The following KCNIP4 variants were observed in gnomAD, a reference collection of about 807,000 sequenced individuals.
KCNIP4 encodes potassium voltage-gated channel interacting protein 4, also known as Kv channel-interacting protein 4.
A neutral mutation model predicts 34.0 loss-of-function variants in KCNIP4; 12 were observed. That is an observed-to-expected ratio of 0.35 (90% CI 0.23 to 0.57). The LOEUF is 0.57. Among genes scored for constraint, KCNIP4 ranks in the 20% least tolerant of loss-of-function variants. The pLI is 0.83. For synonymous variants in KCNIP4, 124 were observed against 102.2 expected, an observed-to-expected ratio of 1.21 and a Z score of -1.29; for missense variants, 238 against 311.7, an observed-to-expected ratio of 0.76 and a Z score of 1.78.
At chr4:21,340,090 C>T (rs1275055465) in intron 1 of KCNIP4, among the ~76,000 whole-genome samples, 1 of 152,084 alleles carries the variant, frequency 6.6e-6, no homozygotes, top group Non-Finnish European at 1.5e-5. Flanking sequence ...TCAGAAAGAG[C>T]CTACTTACTT....
chr4:21,001,313 G>A (rs934468774), intron 1 of KCNIP4, among the ~76,000 whole-genome samples: 4 of 152,170 alleles, frequency 2.6e-5, no homozygotes, highest in African/African-American at 9.7e-5. Context: ...AATTGCTTAT[G>A]AAGAAACTGA....
At chr4:20,758,564 T>C (rs1255427911) in intron 4 of KCNIP4, among the ~76,000 whole-genome samples, 2 of 151,888 alleles carry the variant, frequency 1.3e-5, no homozygotes, top group Admixed American at 6.6e-5. Flanking sequence ...TCAGAAAACA[T>C]TGTGCATTTG....
chr4:21,365,526 A>AAATAAATAAAT (rs1560332458), intron 1 of KCNIP4, among the ~76,000 whole-genome samples: 2 of 20,336 alleles, frequency 9.8e-5, no homozygotes, highest in East Asian at 2.0e-3. Context: ...AATAAATAAA[A>AAATAAATAAAT]AATAAAGAAA....
intron 1 of KCNIP4, among the ~76,000 whole-genome samples, chr4:21,941,349 T>G (rs1730194557): frequency 6.6e-6 from 1 of 152,200 alleles, no homozygotes; most frequent in Admixed American, 6.5e-5. Context: ...CAGTCCAATC[T>G]GATTTTGATT....
At chr4:21,861,662 A>AAG (rs1459421370) in intron 1 of KCNIP4, among the ~76,000 whole-genome samples, 11 of 151,560 alleles carry the variant, frequency 7.3e-5, no homozygotes, top group African/African-American at 1.9e-4. Flanking sequence ...GTCTCAAAAA[A>AAG]AAAAAAAAAA....
At chr4:21,392,622 T>C (rs1258291823) in intron 1 of KCNIP4, among the ~76,000 whole-genome samples, 1 of 152,214 alleles carries the variant, frequency 6.6e-6, no homozygotes, top group East Asian at 1.9e-4. Context: ...TTAAGAATGT[T>C]TGATAACTGT....
chr4:21,219,675 A>T (rs1757849186), intron 1 of KCNIP4, among the ~76,000 whole-genome samples: 1 of 152,168 alleles, frequency 6.6e-6, no homozygotes, highest in Non-Finnish European at 1.5e-5. Flanking sequence ...ATGGGAGGAG[A>T]GATAGAAAAG....
intron 1 of KCNIP4, among the ~76,000 whole-genome samples, chr4:21,811,177 T>C (rs1721629181): frequency 6.6e-6 from 1 of 152,150 alleles, no homozygotes; most frequent in Non-Finnish European, 1.5e-5. Flanking sequence ...CAGCAACACA[T>C]TTCAGATTTA....
intron 1 of KCNIP4, among the ~76,000 whole-genome samples, chr4:21,467,662 T>C (rs931488072): frequency 2.0e-5 from 3 of 152,200 alleles, no homozygotes; most frequent in Non-Finnish European, 2.9e-5. Flanking sequence ...ATTCTTGTTA[T>C]TGGGATTTTA....
intron 1 of KCNIP4, among the ~76,000 whole-genome samples, chr4:21,875,803 T>A (rs1726078557): frequency 6.6e-6 from 1 of 152,196 alleles, no homozygotes; most frequent in Admixed American, 6.5e-5. Flanking sequence ...TAATTTAATG[T>A]CAGATGCATT....
chr4:21,668,918 T>A, intron 1 of KCNIP4, among the ~76,000 whole-genome samples: 1 of 152,164 alleles, frequency 6.6e-6, no homozygotes, highest in East Asian at 1.9e-4. Flanking sequence ...ATAAAAGTTA[T>A]ACCAAATGCG....
At chr4:21,295,655 C>T (rs1317502450) in intron 1 of KCNIP4, among the ~76,000 whole-genome samples, 1 of 152,114 alleles carries the variant, frequency 6.6e-6, no homozygotes, top group African/African-American at 2.4e-5. Flanking sequence ...GTCTCATGCA[C>T]TCATTTAAGT....
At chr4:20,777,609 C>T (rs1307868637) in intron 3 of KCNIP4, among the ~76,000 whole-genome samples, 1 of 152,172 alleles carries the variant, frequency 6.6e-6, no homozygotes, top group Non-Finnish European at 1.5e-5. Context: ...CGATCCTGGA[C>T]TTCCCATCCT....
intron 1 of KCNIP4, among the ~76,000 whole-genome samples, chr4:21,773,127 A>C (rs1718916216): frequency 6.6e-6 from 1 of 152,010 alleles, no homozygotes. Flanking sequence ...CTCTGTTCTC[A>C]TTGGTTTGAA....
intron 1 of KCNIP4, among the ~76,000 whole-genome samples, chr4:21,047,631 A>G (rs567390041): frequency 6.6e-6 from 1 of 152,256 alleles, no homozygotes; most frequent in African/African-American, 2.4e-5. Flanking sequence ...ATCTAAGAAG[A>G]CTATATTTAA....
intron 1 of KCNIP4, among the ~76,000 whole-genome samples, chr4:21,435,906 G>T (rs906182478): frequency 3.9e-5 from 6 of 152,054 alleles, no homozygotes; most frequent in Non-Finnish European, 5.9e-5. Flanking sequence ...TACAAATGTG[G>T]TTTCTGCAAA....
At chr4:20,850,893 T>C (rs1483845670) in intron 2 of KCNIP4, 7 of 397,594 alleles carry the variant, frequency 1.8e-5, no homozygotes, top group African/African-American at 1.4e-4. Flanking sequence ...AATGTAGATA[T>C]TACAACCCTA....
intron 1 of KCNIP4, among the ~76,000 whole-genome samples, chr4:21,404,189 T>C (rs970187458): frequency 6.6e-6 from 1 of 152,210 alleles, no homozygotes; most frequent in African/African-American, 2.4e-5. Context: ...TATCATCCAA[T>C]ACATTTGTCC....
intron 1 of KCNIP4, among the ~76,000 whole-genome samples, chr4:21,108,588 T>C (rs186565550): frequency 6.6e-6 from 1 of 151,734 alleles, no homozygotes; most frequent in Non-Finnish European, 1.5e-5. Context: ...GAAGCCATCT[T>C]CTCTCAACTT....
Sources: gnomAD v4.1 joint callset for allele counts (sites outside exome capture counted in the v4.1 genomes callset) on GRCh38, gnomAD v4.1.1 for gene constraint, MANE v1.5 for transcripts, NCBI Gene and HGNC (gene_info 2026-07-23, HGNC 2026-07-21) for gene names.